Variants in SOX5 observed in about 807,000 individuals in gnomAD.
SOX5 encodes the protein SRY-box transcription factor 5.
Under a neutral mutation model 92.0 loss-of-function variants are expected in SOX5, and 9 were observed. The ratio of observed to expected loss-of-function variants is 0.10; its 90% CI spans 0.06 to 0.17. The LOEUF (loss-of-function observed/expected upper bound fraction) is 0.17. SOX5 is among the 10% of genes least tolerant of loss of function. The pLI, the probability that SOX5 is intolerant of heterozygous loss-of-function variation, is 1.00. For missense variants in SOX5, 642 were observed against 944.5 expected (o/e 0.68, Z 4.20); for synonymous variants, 344 against 336.3 (o/e 1.02, Z -0.25).
At chr12:23,638,672 G>A (rs1237513209) in intron 8 of SOX5, among the ~76,000 whole-genome samples, 1 of 152,134 alleles carries the variant, frequency 6.6e-6, no homozygotes, top group Non-Finnish European at 1.5e-5. Flanking sequence ...AAGGCAAAGG[G>A]AGGGAGAGTA....
intron 1 of SOX5, among the ~76,000 whole-genome samples, chr12:23,919,196 G>A (rs2097454193): frequency 1.3e-5 from 2 of 152,154 alleles, no homozygotes; most frequent in South Asian, 2.1e-4. Context: ...CAACTAGAAT[G>A]GCTCCTGTGA....
intron 4 of SOX5, among the ~76,000 whole-genome samples, chr12:23,965,323 C>A (rs113418434): frequency 3.9e-5 from 6 of 152,252 alleles, no homozygotes; most frequent in African/African-American, 9.6e-5. Context: ...ACGTTTGAGG[C>A]GAAGGCTTAC....
At chr12:23,616,704 A>G (rs1157280420) in intron 8 of SOX5, among the ~76,000 whole-genome samples, 1 of 152,200 alleles carries the variant, frequency 6.6e-6, no homozygotes, top group Non-Finnish European at 1.5e-5. Flanking sequence ...ATGTCAGTGG[A>G]GCATAATTGA....
intron 3 of SOX5, among the ~76,000 whole-genome samples, chr12:24,255,858 A>G (rs115596214): frequency 0.034 from 5,127 of 152,290 alleles, 297 homozygotes; most frequent in African/African-American, 0.12. Flanking sequence ...TCATAAAGCC[A>G]TGACTTTTGA....
intron 2 of SOX5, among the ~76,000 whole-genome samples, chr12:23,889,313 A>G (rs2097104262): frequency 6.6e-6 from 1 of 152,202 alleles, no homozygotes; most frequent in East Asian, 1.9e-4. Context: ...AGAAATCTTT[A>G]CCATACCATA....
chr12:24,352,733 C>T (rs533723024), intron 2 of SOX5, among the ~76,000 whole-genome samples: 110 of 152,256 alleles, frequency 7.2e-4, no homozygotes, highest in African/African-American at 2.5e-3. Flanking sequence ...ATCTCCCTAA[C>T]ATTTGCAGAC....
chr12:23,742,132 T>A (rs1276325754), intron 4 of SOX5, among the ~76,000 whole-genome samples: 3 of 152,166 alleles, frequency 2.0e-5, no homozygotes, highest in African/African-American at 7.2e-5. Flanking sequence ...AAGGATCTGT[T>A]ATAACTCAAT....
At chr12:23,640,956 A>T in intron 7 of SOX5, 59 bp from the exon 8 acceptor site, 1 of 1,127,372 alleles carries the variant, frequency 8.9e-7, no homozygotes, top group South Asian at 1.3e-5. Context: ...CCTGCAAATT[A>T]AACTCATGCA....
At chr12:24,288,292 G>T (rs537055145) in intron 2 of SOX5, among the ~76,000 whole-genome samples, 2 of 152,296 alleles carry the variant, frequency 1.3e-5, no homozygotes, top group African/African-American at 2.4e-5. Flanking sequence ...TGGAAGTGGT[G>T]CTAAGGTTGA....
intron 1 of SOX5, among the ~76,000 whole-genome samples, chr12:24,425,763 A>G (rs1373415488): frequency 2.6e-5 from 4 of 152,208 alleles, no homozygotes; most frequent in Non-Finnish European, 5.9e-5. Context: ...CAACAAGTAC[A>G]TGAGTCAGAC....
intron 6 of SOX5, among the ~76,000 whole-genome samples, chr12:23,705,006 T>G (rs1050248732): frequency 6.6e-6 from 1 of 151,844 alleles, no homozygotes; most frequent in Non-Finnish European, 1.5e-5. Context: ...TTAATTTACC[T>G]TAAACGTTCT....
chr12:24,245,572 G>A lies in SOX5; in HGVS notation c.-77+31644C>T, dbSNP rs557501216. 2.6e-5 allele frequency among the ~76,000 whole-genome samples: 4 copies of A among 152,178 alleles called. No individual in the cohort carries two copies. In the East Asian group the frequency reaches 7.7e-4, roughly 29 times the overall value. ...ATAGGCAGACGGGGTAACACACTTGGTGGATTAAAATCTGATTTGGGGTCT... is the reference window on the plus strand; with the variant it reads ...ATAGGCAGACGGGGTAACACACTTGATGGATTAAAATCTGATTTGGGGTCT... On this transcript the variant is annotated intron_variant, in intron 3 of 4. Coordinates refer to the SOX5 transcript ENST00000446891.
chr12:23,867,991 T>C (rs961762995), intron 2 of SOX5, among the ~76,000 whole-genome samples: 4 of 151,806 alleles, frequency 2.6e-5, no homozygotes, highest in Admixed American at 2.6e-4. Context: ...AAATCATAAC[T>C]ACCTTTTAAT....
At chr12:24,106,361 C>T (rs765213245) in intron 4 of SOX5, among the ~76,000 whole-genome samples, 27 of 152,014 alleles carry the variant, frequency 1.8e-4, no homozygotes, top group Non-Finnish European at 3.2e-4. Flanking sequence ...TGGATACTTA[C>T]AAAACATTAT....
At chr12:23,780,753 G>A (rs1196915566) in intron 3 of SOX5, among the ~76,000 whole-genome samples, 1 of 152,000 alleles carries the variant, frequency 6.6e-6, no homozygotes, top group Non-Finnish European at 1.5e-5. Context: ...CTAAGAATTT[G>A]CATTTCATGA....
chr12:23,715,228 G>A (rs1446818649), intron 6 of SOX5, among the ~76,000 whole-genome samples: 1 of 151,792 alleles, frequency 6.6e-6, no homozygotes, highest in African/African-American at 2.4e-5. Context: ...GAACCCAGGA[G>A]GCGAAGCTTG....
Position 23,895,784 on chromosome 12 carries a change from G to A in SOX5, c.270+9C>T. 1 of 1,592,718 alleles carries A rather than the reference G, an allele frequency of 6.3e-7. No individual in the cohort carries two copies. Among genetic ancestry groups the A allele is most frequent in the Non-Finnish European group, 8.6e-7 (1 of 1,160,540 alleles). On this transcript the variant is annotated intron_variant, in intron 2 of 14. Transcript: ENST00000451604. ...TGAGTGTAGGCACAATAAACCATGA[G>A]AAACCTACCATTGTATTGTGCTGAG... is the stretch of plus-strand genomic sequence containing the variant.
chr12:24,018,015 CCTT>C (rs921198995), intron 4 of SOX5, among the ~76,000 whole-genome samples: 4 of 152,178 alleles, frequency 2.6e-5, no homozygotes, highest in Non-Finnish European at 5.9e-5. Context: ...TTTTCCCAAA[CCTT>C]CTTATATCTT....
At chr12:24,267,773 A>T (rs2140301463) in intron 3 of SOX5, among the ~76,000 whole-genome samples, 1 of 152,322 alleles carries the variant, frequency 6.6e-6, no homozygotes, top group South Asian at 2.1e-4. Context: ...GGAAGTAAAA[A>T]TCCTCTTCAT....
Sources: allele counts gnomAD v4.1 joint callset (sites outside exome capture counted in the v4.1 genomes callset), GRCh38; gene constraint gnomAD v4.1.1; transcripts MANE v1.5; gene names NCBI Gene and HGNC (gene_info 2026-07-23, HGNC 2026-07-21).